SAMD5: variants seen among roughly 807,000 people sequenced by gnomAD.
SAMD5 encodes sterile alpha motif domain containing 5.
In SAMD5, 13 loss-of-function variants were observed where a neutral mutation model predicts 11.3. That is an observed-to-expected ratio of 1.15 (90% CI 0.75 to 1.83). The LOEUF is 1.83. Ranked by LOEUF, SAMD5 falls within the 40% of genes most tolerant of loss-of-function variation. SAMD5 has a pLI of 0.00. For synonymous variants in SAMD5, 129 were observed against 111.3 expected (o/e 1.16, Z -1.00); for missense variants, 255 against 239.1 (o/e 1.07, Z -0.44).
downstream of SAMD5, among the ~76,000 whole-genome samples, chr6:147,570,848 C>A (rs1789126252): frequency 6.6e-6 from 1 of 152,082 alleles, no homozygotes. Context: ...ACTAAGGTGC[C>A]AGGAGTGAGT....
At chr6:147,613,672 CAG>C (rs1295823133) in intron 1 of SAMD5, among the ~76,000 whole-genome samples, 1 of 150,592 alleles carries the variant, frequency 6.6e-6, no homozygotes, top group Non-Finnish European at 1.5e-5. Context: ...GCAGAGAAAA[CAG>C]AGAATGAGAT....
chr6:147,560,233 C>T (rs1025994648), intron 1 of SAMD5, among the ~76,000 whole-genome samples: 18 of 152,244 alleles, frequency 1.2e-4, no homozygotes, highest in African/African-American at 4.3e-4. Context: ...TGCAAATTCC[C>T]ACCTTTCTTG....
chr6:147,790,006 A>T, the SAMD5 span, among the ~76,000 whole-genome samples: 1 of 152,228 alleles, frequency 6.6e-6, no homozygotes, highest in African/African-American at 2.4e-5. Context: ...AAAATGATGC[A>T]GCCACTTTAG....
In SAMD5 at chr6:147,564,383, C is replaced by G. The variant is rs750212695; in HGVS notation, c.460-11C>G. The G allele has an allele frequency of 1.4e-5, 11 of 780,584 alleles. No individual in the cohort carries two copies. The East Asian group carries it at 2.7e-4, about 19-fold the overall frequency. The allele number at this position is 780,584 out of a possible 1,614,324, so 48.4% of individuals were successfully genotyped here. A position where few individuals can be genotyped will look rare whatever the true frequency, so the allele number is the denominator to read the frequency against. The stretch of plus-strand genomic sequence containing the variant: ...AGAACTTCAATAACCCAGATATGTT[C>G]AAATCCACAGGTCCCAATGGCTGGC... On this transcript the variant is annotated splice_polypyrimidine_tract_variant and intron_variant, in intron 1 of 1. Transcript: ENST00000367474.
At chr6:147,560,089 A>T (rs1041872127) in intron 1 of SAMD5, among the ~76,000 whole-genome samples, 1 of 152,244 alleles carries the variant, frequency 6.6e-6, no homozygotes, top group African/African-American at 2.4e-5. Flanking sequence ...TGAAAATTAT[A>T]GTAGGGACGA....
intron 1 of SAMD5, among the ~76,000 whole-genome samples, chr6:147,701,987 A>G (rs1791259673): frequency 6.6e-6 from 1 of 152,194 alleles, no homozygotes. Flanking sequence ...GGGCCCCTGT[A>G]TTAGTCTGTT....
the SAMD5 span, among the ~76,000 whole-genome samples, chr6:147,865,482 G>A: frequency 1.3e-5 from 2 of 152,134 alleles, no homozygotes; most frequent in African/African-American, 4.8e-5. Context: ...CTGCATAGAT[G>A]TAACACATTT....
the SAMD5 span, among the ~76,000 whole-genome samples, chr6:147,838,658 C>T: frequency 6.6e-6 from 1 of 151,878 alleles, no homozygotes. Context: ...AGTGAGACCA[C>T]CTTGGCCATA....
intron 1 of SAMD5, among the ~76,000 whole-genome samples, chr6:147,679,915 T>C (rs140862926): frequency 0.015 from 2,286 of 152,038 alleles, 39 homozygotes; most frequent in South Asian, 0.043. Context: ...CAATTGACCA[T>C]ATATTGTGGT....
the SAMD5 span, among the ~76,000 whole-genome samples, chr6:147,897,268 A>T: frequency 6.6e-6 from 1 of 152,170 alleles, no homozygotes; most frequent in Non-Finnish European, 1.5e-5. Flanking sequence ...AGAGGGGGGA[A>T]AAGATAACCC....
At chr6:147,934,340 C>T in the SAMD5 span, among the ~76,000 whole-genome samples, 1 of 152,186 alleles carries the variant, frequency 6.6e-6, no homozygotes, top group African/African-American at 2.4e-5. Flanking sequence ...ACAGAAAACA[C>T]TCAGCAACAT....
At chr6:147,713,213 T>C (rs140703341) in intron 1 of SAMD5, among the ~76,000 whole-genome samples, 476 of 152,318 alleles carry the variant, frequency 3.1e-3, no homozygotes, top group African/African-American at 0.011. Flanking sequence ...ACATACAACT[T>C]TGACATTTAA....
At chr6:147,791,383 T>A in the SAMD5 span, among the ~76,000 whole-genome samples, 1 of 152,150 alleles carries the variant, frequency 6.6e-6, no homozygotes, top group African/African-American at 2.4e-5. Context: ...TTGATAGATC[T>A]CATCAAAAAT....
intron 1 of SAMD5, among the ~76,000 whole-genome samples, chr6:147,532,184 A>G (rs564666352): frequency 4.7e-3 from 714 of 152,222 alleles, no homozygotes; most frequent in Non-Finnish European, 8.2e-3. Context: ...TTTTGGTTAC[A>G]TAGATAAATT....
At chr6:147,948,208 G>C in the SAMD5 span, among the ~76,000 whole-genome samples, 2 of 150,328 alleles carry the variant, frequency 1.3e-5, no homozygotes, top group African/African-American at 4.9e-5. Context: ...ATATGTTGTT[G>C]ATACCGAGAT....
intron 1 of SAMD5, among the ~76,000 whole-genome samples, chr6:147,686,844 A>G (rs187852002): frequency 3.9e-5 from 6 of 152,278 alleles, no homozygotes; most frequent in African/African-American, 1.4e-4. Context: ...TTGGCTTCTC[A>G]GAACAAAACA....
At chr6:147,549,565 A>G (rs1583077955) in intron 1 of SAMD5, among the ~76,000 whole-genome samples, 1 of 152,302 alleles carries the variant, frequency 6.6e-6, no homozygotes, top group East Asian at 1.9e-4. Context: ...TAATAGAGCA[A>G]CACATCACCA....
At chr6:147,652,805 C>G (rs2128453541) in intron 1 of SAMD5, among the ~76,000 whole-genome samples, 1 of 152,292 alleles carries the variant, frequency 6.6e-6, no homozygotes, top group South Asian at 2.1e-4. Context: ...TGAATCCTGT[C>G]ACTTTGTTTG....
At chr6:147,886,363 A>T in the SAMD5 span, among the ~76,000 whole-genome samples, 9 of 152,206 alleles carry the variant, frequency 5.9e-5, no homozygotes, top group African/African-American at 2.2e-4. Flanking sequence ...AAACTTGATA[A>T]AGGGCATCTA....
Sources: allele counts gnomAD v4.1 joint callset (sites outside exome capture counted in the v4.1 genomes callset), GRCh38; gene constraint gnomAD v4.1.1; transcripts MANE v1.5; gene names NCBI Gene and HGNC (gene_info 2026-07-23, HGNC 2026-07-21).